The following PRDM16 variants were observed in gnomAD, a reference collection of about 807,000 sequenced individuals.
PRDM16 encodes PR/SET domain 16.
In PRDM16, 23 loss-of-function variants were observed where a neutral mutation model predicts 110.6. The ratio of observed to expected loss-of-function variants is 0.21; its 90% CI spans 0.15 to 0.29. The LOEUF is 0.29. Among genes scored for constraint, PRDM16 ranks in the 10% least tolerant of loss-of-function variants. The pLI is 1.00. For missense variants in PRDM16, 1,615 were observed against 1,794.3 expected, an observed-to-expected ratio of 0.90 and a Z score of 1.81; for synonymous variants, 799 against 781.8, an observed-to-expected ratio of 1.02 and a Z score of -0.37.
chr1:3,425,966 G>T lies in PRDM16; in HGVS notation c.3110-85G>T. ...AACCTGCCTCCCTAACAGCACCCCA[G>T]GTGTACCCCGTTCGCGGTTGGTTTG... On this transcript the variant is annotated intron_variant, in intron 13 of 16. Transcript: ENST00000270722. This position sits in a 1 kb window ranked among gnomAD's most constrained non-coding sequence, Gnocchi z 6.9. The T allele has an allele frequency of 1.4e-6, 2 of 1,455,654 alleles. No individual in the cohort carries two copies. Among genetic ancestry groups the T allele is most frequent in the Non-Finnish European group, 1.9e-6 (2 of 1,078,754 alleles). The allele number at this position is 1,455,654 out of a possible 1,614,324, so 90.2% of individuals were successfully genotyped here.
intron 5 of PRDM16, among the ~76,000 whole-genome samples, chr1:3,400,840 C>T (rs1643456590): frequency 6.6e-6 from 1 of 152,186 alleles, no homozygotes; most frequent in South Asian, 2.1e-4. Context: ...TGCCCACTCA[C>T]CCCCAATGCA....
chr1:3,183,266 C>G (rs996451516), intron 1 of PRDM16, among the ~76,000 whole-genome samples: 3 of 152,212 alleles, frequency 2.0e-5, no homozygotes, highest in Non-Finnish European at 4.4e-5. Context: ...CTTGCTGACC[C>G]TCTCGGGGGC....
intron 4 of PRDM16, among the ~76,000 whole-genome samples, chr1:3,386,144 G>GGGGTGCCCA (rs1201109555): frequency 4.7e-5 from 7 of 149,520 alleles, no homozygotes; most frequent in African/African-American, 1.3e-4. Flanking sequence ...TGCGTTCCTC[G>GGGGTGCCCA]GGGTGCCCGG....
At chr1:3,351,538 C>T (rs1557626770) in intron 3 of PRDM16, among the ~76,000 whole-genome samples, 1 of 424 alleles carries the variant, frequency 2.4e-3, no homozygotes, top group Non-Finnish European at 6.3e-3. Context: ...CTGTCCCCCT[C>T]CCTCTCTGTC....
At chr1:3,396,315 A>G (rs1643385476) in intron 4 of PRDM16, 176 bp from the exon 5 acceptor site, 1 of 683,306 alleles carries the variant, frequency 1.5e-6, no homozygotes, top group Non-Finnish European at 2.7e-6. Context: ...AGGGGACGCA[A>G]TTCCTTCTGC....
rs370386474 is a variant in PRDM16, at chr1:3,411,655, C to A, written c.1458C>A (p.Asn486Lys). The change falls in exon 9 of 17, where the codon AAC becomes AAA. Residue 486 changes from asparagine (N) to lysine (K), a missense_variant. This residue lies in a region of PRDM16 where 772 missense variants were observed against 748.3 expected (regional missense o/e 1.03). Transcript: ENST00000270722. Reference sequence around the variant, plus strand: ...TCAATCACGCCAGCCTGGGCTTCAACGAGTACTTTCCCTCCAGGCCGCACC... The same window carrying A: ...TCAATCACGCCAGCCTGGGCTTCAAAGAGTACTTTCCCTCCAGGCCGCACC... ...PSLNHASLGF[N>K]EYFPSRPHPG... The A allele has an allele frequency of 6.2e-7, 1 of 1,613,240 alleles. No individual in the cohort carries two copies. Among genetic ancestry groups the A allele is most frequent in the African/African-American group, 1.3e-5 (1 of 74,912 alleles).
At chr1:3,076,313 G>A (rs1641898974) in intron 1 of PRDM16, among the ~76,000 whole-genome samples, 2 of 152,198 alleles carry the variant, frequency 1.3e-5, no homozygotes, top group Non-Finnish European at 2.9e-5. Flanking sequence ...TGTGGGATAC[G>A]TGCTCCCTGT....
chr1:3,372,200 G>C (rs1338581325), intron 3 of PRDM16, among the ~76,000 whole-genome samples: 1 of 152,220 alleles, frequency 6.6e-6, no homozygotes, highest in Non-Finnish European at 1.5e-5. Context: ...AGGGGTCCTT[G>C]GTAGGTTCCT....
chr1:3,276,252 C>A (rs1569975848), intron 3 of PRDM16, among the ~76,000 whole-genome samples: 1 of 152,388 alleles, frequency 6.6e-6, no homozygotes, highest in East Asian at 1.9e-4. Context: ...CTGCCCTGGG[C>A]AGCCCCCCGG....
chr1:3,327,623 C>G (rs1199923653), intron 3 of PRDM16, among the ~76,000 whole-genome samples: 2 of 152,236 alleles, frequency 1.3e-5, no homozygotes, highest in African/African-American at 2.4e-5. Context: ...GGGCCAGAAG[C>G]TGAGCCTTTT....
intron 2 of PRDM16, among the ~76,000 whole-genome samples, chr1:3,197,264 C>T (rs758477626): frequency 6.6e-6 from 1 of 152,154 alleles, no homozygotes; most frequent in African/African-American, 2.4e-5. Flanking sequence ...CCCAGGGTCC[C>T]GACCCCCAGG....
At chr1:3,361,063 C>G (rs550920811) in intron 3 of PRDM16, among the ~76,000 whole-genome samples, 83 of 152,340 alleles carry the variant, frequency 5.4e-4, no homozygotes, top group African/African-American at 1.9e-3. Context: ...GAACAGCGTT[C>G]CATTGAGCGC....
intron 1 of PRDM16, among the ~76,000 whole-genome samples, chr1:3,118,275 G>C (rs1643015184): frequency 6.6e-6 from 1 of 152,210 alleles, no homozygotes; most frequent in Non-Finnish European, 1.5e-5. Flanking sequence ...GGCTGATCCA[G>C]ACCTGCTCAG....
In PRDM16 at chr1:3,253,128, C is replaced by T. The variant is rs568924351; in HGVS notation, c.438+8991C>T. On this transcript the variant is annotated intron_variant, in intron 3 of 16. Coordinates refer to ENST00000270722, the MANE Select transcript of PRDM16 (RefSeq NM_022114.4). ...TCTCCTGCATGGATCCCCACACTAG[C>T]CATCCAGGTAGTATCACCCCCACCA... Among the ~76,000 whole-genome samples, 11 of 152,222 alleles carry T rather than the reference C, an allele frequency of 7.2e-5. No individual in the cohort carries two copies. In the South Asian group the frequency reaches 2.3e-3, roughly 32 times the overall value.
At chr1:3,285,483 G>A (rs929976577) in intron 3 of PRDM16, among the ~76,000 whole-genome samples, 1 of 152,198 alleles carries the variant, frequency 6.6e-6, no homozygotes. Flanking sequence ...ACAAATCTCG[G>A]GACGGACATG....
chr1:3,239,187 G>A (rs1373483292), intron 2 of PRDM16, among the ~76,000 whole-genome samples: 2 of 152,236 alleles, frequency 1.3e-5, no homozygotes, highest in Non-Finnish European at 2.9e-5. Flanking sequence ...CAGAAAGGGA[G>A]GATGTGTGGG....
rs1641536678 is a variant in PRDM16 at position 3,314,072 on chromosome 1, G to GA, written c.438+69935_438+69936insA. On this transcript the variant is annotated intron_variant, in intron 3 of 16. Coordinates refer to ENST00000270722, the MANE Select transcript of PRDM16 (RefSeq NM_022114.4). ...CCCCCGAATGCCGTCCTTCCCCACC[G>GA]GGGGGGGGGGCGGGAACATAAAATG... Among the ~76,000 whole-genome samples the GA allele has an allele frequency of 1.3e-4, 14 of 110,186 alleles. 3 individuals carry two copies. Among genetic ancestry groups the GA allele is most frequent in the African/African-American group, 4.3e-4 (13 of 30,058 alleles). The allele number at this position is 110,186 out of a possible 152,430, so 72.3% of individuals were successfully genotyped here.
intron 2 of PRDM16, among the ~76,000 whole-genome samples, chr1:3,188,928 G>T (rs980254151): frequency 5.3e-5 from 8 of 152,218 alleles, no homozygotes; most frequent in African/African-American, 1.9e-4. Context: ...AGCCACCTCA[G>T]TTGGGGCCTT....
At chr1:3,317,275 C>T (rs1641630634) in intron 3 of PRDM16, among the ~76,000 whole-genome samples, 1 of 152,186 alleles carries the variant, frequency 6.6e-6, no homozygotes, top group African/African-American at 2.4e-5. Flanking sequence ...GGAGACCTTA[C>T]TGTCTCTTAC....
Sources: allele counts gnomAD v4.1 joint callset (sites outside exome capture counted in the v4.1 genomes callset), GRCh38; gene constraint gnomAD v4.1.1; regional missense constraint gnomAD v4.1.1; non-coding constraint Gnocchi (gnomAD v3.1); transcripts MANE v1.5; gene names NCBI Gene and HGNC (gene_info 2026-07-23, HGNC 2026-07-21).